ZFHX3: variants seen among roughly 807,000 people sequenced by gnomAD.
The protein encoded by ZFHX3 is zinc finger homeobox protein 3.
In ZFHX3, 42 loss-of-function variants were observed where a neutral mutation model predicts 279.1. The observed-to-expected ratio is 0.15, with a 90% confidence interval of 0.12 to 0.19. The LOEUF (loss-of-function observed/expected upper bound fraction) is 0.19. Among genes scored for constraint, ZFHX3 ranks in the 10% least tolerant of loss-of-function variants. The pLI is 1.00. For missense variants in ZFHX3, 4,981 were observed against 4,754.0 expected (o/e 1.05, Z -1.40); for synonymous variants, 2,293 against 1,957.8 (o/e 1.17, Z -4.52).
At chr16:72,900,472 G>A (rs751066075) in intron 3 of ZFHX3, among the ~76,000 whole-genome samples, 29 of 152,196 alleles carry the variant, frequency 1.9e-4, no homozygotes, top group Admixed American at 9.8e-4. Flanking sequence ...TTTAAAAACC[G>A]CATGAGAAAA....
intron 2 of ZFHX3, among the ~76,000 whole-genome samples, chr16:73,589,723 G>C (rs1432650558): frequency 1.1e-5 from 1 of 88,400 alleles, no homozygotes; most frequent in African/African-American, 4.1e-5. Context: ...GACAGAGCGA[G>C]ACTCCGTCTC....
intron 3 of ZFHX3, among the ~76,000 whole-genome samples, chr16:73,417,178 T>G (rs935553705): frequency 1.2e-4 from 18 of 151,894 alleles, no homozygotes; most frequent in African/African-American, 4.1e-4. Context: ...GAGCAATACT[T>G]TTTCAAGTGT....
intron 3 of ZFHX3, among the ~76,000 whole-genome samples, chr16:73,404,693 T>A (rs1355087920): frequency 2.0e-5 from 3 of 152,142 alleles, no homozygotes; most frequent in Non-Finnish European, 4.4e-5. Flanking sequence ...ACTATTATTA[T>A]CCCCGTTTTA....
intron 3 of ZFHX3, among the ~76,000 whole-genome samples, chr16:72,929,643 C>T (rs981982353): frequency 2.6e-5 from 4 of 152,230 alleles, no homozygotes; most frequent in African/African-American, 9.7e-5. Flanking sequence ...CAGAGGATGC[C>T]TGGGGCCACG....
At chr16:73,283,560 A>G (rs1295629241) in intron 4 of ZFHX3, among the ~76,000 whole-genome samples, 1 of 152,208 alleles carries the variant, frequency 6.6e-6, no homozygotes, top group African/African-American at 2.4e-5. Flanking sequence ...AAACATGGAC[A>G]TCCACCAATG....
At chr16:73,237,138 A>G (rs938975864) in intron 5 of ZFHX3, among the ~76,000 whole-genome samples, 4 of 152,226 alleles carry the variant, frequency 2.6e-5, no homozygotes, top group Non-Finnish European at 5.9e-5. Context: ...GTTGAAAGAT[A>G]ATAAGAGACA....
intron 3 of ZFHX3, among the ~76,000 whole-genome samples, chr16:72,947,393 G>C (rs191687751): frequency 6.6e-6 from 1 of 152,148 alleles, no homozygotes; most frequent in Admixed American, 6.5e-5. Context: ...ATTATCTCAC[G>C]CTTTCAGAAA....
At chr16:73,445,093 C>T (rs1031535992) in intron 3 of ZFHX3, among the ~76,000 whole-genome samples, 1 of 151,682 alleles carries the variant, frequency 6.6e-6, no homozygotes, top group East Asian at 1.9e-4. Context: ...GGAGATTGCG[C>T]CATTGCACTT....
chr16:73,647,893 A>G (rs1597045959), intron 2 of ZFHX3, among the ~76,000 whole-genome samples: 1 of 152,352 alleles, frequency 6.6e-6, no homozygotes, highest in East Asian at 1.9e-4. Context: ...AAATCAGTTT[A>G]TAGAAAATAA....
At chr16:73,220,206 G>C (rs1292361525) in intron 5 of ZFHX3, among the ~76,000 whole-genome samples, 1 of 152,156 alleles carries the variant, frequency 6.6e-6, no homozygotes, top group Non-Finnish European at 1.5e-5. Context: ...GACAGGAAGG[G>C]AGTAGGGGGC....
chr16:73,168,211 T>TTTTCTTTCTCTTTCTTTCTTTCTTTC (rs1967424271), intron 5 of ZFHX3, among the ~76,000 whole-genome samples: 2 of 95,222 alleles, frequency 2.1e-5, no homozygotes, highest in African/African-American at 8.0e-5. Flanking sequence ...GTTTCTTTTG[T>TTTTCTTTCTCTTTCTTTCTTTCTTTC]TTTCTTTCTT....
intron 1 of ZFHX3, among the ~76,000 whole-genome samples, chr16:73,763,033 A>G (rs967299258): frequency 4.6e-5 from 7 of 152,042 alleles, no homozygotes; most frequent in African/African-American, 1.7e-4. Flanking sequence ...TCCCCTAAAT[A>G]TTTCCCCACT....
At chr16:73,541,097 T>C (rs2020002416) in intron 2 of ZFHX3, among the ~76,000 whole-genome samples, 1 of 152,116 alleles carries the variant, frequency 6.6e-6, no homozygotes, top group Non-Finnish European at 1.5e-5. Flanking sequence ...TCTCCACCCG[T>C]CCATCTGCAG....
chr16:73,003,827 C>T (rs572055859), intron 1 of ZFHX3, among the ~76,000 whole-genome samples: 8 of 151,618 alleles, frequency 5.3e-5, no homozygotes, highest in African/African-American at 1.9e-4. Flanking sequence ...CAGGAATTCA[C>T]GGGGGGAAAA....
intron 2 of ZFHX3, among the ~76,000 whole-genome samples, chr16:73,566,458 G>A (rs2020452144): frequency 6.6e-6 from 1 of 152,168 alleles, no homozygotes; most frequent in Admixed American, 6.5e-5. Context: ...GGCTCCGAGG[G>A]AGAATTCATT....
chr16:73,395,482 C>A (rs2017108734), intron 3 of ZFHX3, among the ~76,000 whole-genome samples: 1 of 151,634 alleles, frequency 6.6e-6, no homozygotes, highest in Non-Finnish European at 1.5e-5. Context: ...CCCCCAAAAA[C>A]CAATCATCTG....
Position 72,795,374 on chromosome 16 carries a change from G to A in ZFHX3, c.7308C>T (p.Pro2436=), listed in dbSNP as rs761990635. 6.2e-7 allele frequency: 1 copy of A among 1,614,150 alleles called. No homozygotes were observed. ...CTTGGGTTTGGTTTGGCTGTGCACT[G>A]GGAGCTTCCGCCAGCTTTGGTTTCT... ...GDEKPKLAEA[P]SAQPNQTQEK... The change falls in exon 9 of 10, where the codon CCC becomes CCT. Residue 2436 remains proline, a synonymous_variant. Coordinates refer to ENST00000268489, the MANE Select transcript of ZFHX3 (RefSeq NM_006885.4).
chr16:72,872,073 AGAGT>A (rs1358239419), intron 4 of ZFHX3, among the ~76,000 whole-genome samples: 1 of 151,220 alleles, frequency 6.6e-6, no homozygotes, highest in African/African-American at 2.4e-5. Context: ...CCTGGGCAAC[AGAGT>A]GAGACTCTGT....
chr16:73,654,947 G>A (rs910870018), intron 2 of ZFHX3, among the ~76,000 whole-genome samples: 1 of 136,664 alleles, frequency 7.3e-6, no homozygotes, highest in African/African-American at 2.7e-5. Context: ...TGCAACTTCC[G>A]CCTCCTGGAT....
Sources: allele counts gnomAD v4.1 joint callset (sites outside exome capture counted in the v4.1 genomes callset), GRCh38; gene constraint gnomAD v4.1.1; transcripts MANE v1.5; gene names NCBI Gene and HGNC (gene_info 2026-07-23, HGNC 2026-07-21).